The following ACVR1 variants were observed in gnomAD, a reference collection of about 807,000 sequenced individuals.
ACVR1 encodes activin receptor type-1.
In ACVR1, 38 loss-of-function variants were observed where a neutral mutation model predicts 57.1. The observed-to-expected ratio is 0.67, with a 90% CI of 0.51 to 0.87. The LOEUF is 0.87. Ranked by LOEUF, ACVR1 falls within the 40% of genes least tolerant of loss-of-function variation. The pLI, the probability that ACVR1 is intolerant of heterozygous loss-of-function variation, is 0.00. For synonymous variants in ACVR1, 212 were observed against 228.1 expected (o/e 0.93, Z 0.63); for missense variants, 463 against 638.2 (o/e 0.73, Z 2.96).
At chr2:157,807,854 T>TGA (rs1553507146) in intron 2 of ACVR1, among the ~76,000 whole-genome samples, 1 of 31,094 alleles carries the variant, frequency 3.2e-5, no homozygotes, top group Non-Finnish European at 7.1e-5. Context: ...TATAATAATT[T>TGA]GGGGGGGGGG....
intron 9 of ACVR1, among the ~76,000 whole-genome samples, chr2:157,751,128 C>T (rs1685176531): frequency 6.6e-6 from 1 of 152,334 alleles, no homozygotes; most frequent in East Asian, 1.9e-4. Context: ...CTCTGAGTGC[C>T]CAAACTGTGA....
At chr2:157,757,760 C>G (rs1002250954) in intron 9 of ACVR1, among the ~76,000 whole-genome samples, 2 of 151,752 alleles carry the variant, frequency 1.3e-5, no homozygotes, top group Non-Finnish European at 2.9e-5. Context: ...TAAGGAAATG[C>G]TATATCTGGG....
At chr2:157,866,328 A>G (rs1273006389) in intron 1 of ACVR1, among the ~76,000 whole-genome samples, 4 of 152,148 alleles carry the variant, frequency 2.6e-5, no homozygotes, top group Non-Finnish European at 4.4e-5. Context: ...TAAAACAATA[A>G]GACTTTTAGG....
At chr2:157,766,668 C>T (rs1685872782) in intron 7 of ACVR1, among the ~76,000 whole-genome samples, 1 of 152,094 alleles carries the variant, frequency 6.6e-6, no homozygotes, top group Non-Finnish European at 1.5e-5. Context: ...TATATCTGCT[C>T]AGATGTAAAA....
At chr2:157,843,685 G>A (rs149241440) in intron 1 of ACVR1, among the ~76,000 whole-genome samples, 4 of 152,226 alleles carry the variant, frequency 2.6e-5, no homozygotes, top group African/African-American at 7.2e-5. Flanking sequence ...TCATGGGAAA[G>A]GATTAACATG....
At chr2:157,792,427 T>C (rs1312727420) in intron 3 of ACVR1, among the ~76,000 whole-genome samples, 1 of 152,112 alleles carries the variant, frequency 6.6e-6, no homozygotes, top group Non-Finnish European at 1.5e-5. Flanking sequence ...TCCCTCTTCC[T>C]CCCAAATCAC....
chr2:157,876,037 C>T lies in ACVR1; in HGVS notation c.-424G>A, dbSNP rs1036629612. ...GGGAGCTTCCCGGCCCTGGGGCCGG[C>T]GCGGCTGGCCGAGGAGCAGGCTGGC... On this transcript the variant is annotated 5_prime_UTR_variant, in exon 1 of 11. Transcript: ENST00000434821. Among the ~76,000 whole-genome samples, 7 of 147,030 alleles carry T rather than the reference C, an allele frequency of 4.8e-5. No homozygotes were observed. Among genetic ancestry groups the T allele is most frequent in the Non-Finnish European group, 4.5e-5 (3 of 66,486 alleles).
intron 8 of ACVR1, 62 bp downstream of exon 8, chr2:157,765,859 C>T: frequency 1.3e-6 from 2 of 1,559,918 alleles, no homozygotes; most frequent in African/African-American, 1.4e-5. Flanking sequence ...AGAGATGCAA[C>T]TCACCTAACC....
chr2:157,773,109 T>C (rs1338135044), intron 6 of ACVR1, among the ~76,000 whole-genome samples: 1 of 152,058 alleles, frequency 6.6e-6, no homozygotes, highest in Non-Finnish European at 1.5e-5. Flanking sequence ...CCATGAGCAC[T>C]AGGAGGAGGG....
intron 3 of ACVR1, 48 bp from the exon 4 acceptor site, chr2:157,780,648 C>T (rs370335567): frequency 1.3e-5 from 20 of 1,598,526 alleles, no homozygotes; most frequent in Non-Finnish European, 1.7e-5. Context: ...AGAGGAATTA[C>T]CGTATGAGTT....
intron 1 of ACVR1, among the ~76,000 whole-genome samples, chr2:157,864,277 T>G (rs559230252): frequency 1.3e-5 from 2 of 151,910 alleles, no homozygotes; most frequent in South Asian, 4.2e-4. Context: ...AGTGGCATAA[T>G]CATGGCTCAC....
intron 9 of ACVR1, among the ~76,000 whole-genome samples, chr2:157,743,654 C>A (rs1016900651): frequency 6.6e-6 from 1 of 151,270 alleles, no homozygotes. Context: ...GGAGTATCCC[C>A]ATGATCAAAT....
chr2:157,778,137 A>C lies in ACVR1; in HGVS notation c.537T>G (p.Thr179=), dbSNP rs773365439. The change falls in exon 5 of 11, where the codon ACT becomes ACG. Residue 179 remains threonine, a synonymous_variant. Transcript: ENST00000434821. ...GLITTNVGDS[T]LADLLDHSCT... ...CTGTGGGGTCATGACTTACTGCTAA[A>C]GTGCTGTCTCCAACATTGGTGGTGA... The C allele has an allele frequency of 2.5e-6, 4 of 1,613,576 alleles. No individual in the cohort carries two copies. The highest frequency in any genetic ancestry group is 3.4e-6 in the Non-Finnish European group (4 of 1,179,774).
chr2:157,830,071 T>C (rs1688528859), intron 1 of ACVR1, among the ~76,000 whole-genome samples: 1 of 152,098 alleles, frequency 6.6e-6, no homozygotes, highest in South Asian at 2.1e-4. Context: ...ATACAAAAAT[T>C]AGCCAGGTGT....
chr2:157,876,028 T>G lies in ACVR1; in HGVS notation c.-415A>C, dbSNP rs1270532939. ...CGTGGGGCCGGGAGCTTCCCGGCCC[T>G]GGGGCCGGCGCGGCTGGCCGAGGAG... On this transcript the variant is annotated 5_prime_UTR_variant, in exon 1 of 11. Transcript: ENST00000434821. Among the ~76,000 whole-genome samples the G allele has an allele frequency of 7.4e-6, 1 of 135,136 alleles. No homozygotes were observed. Among genetic ancestry groups the G allele is most frequent in the African/African-American group, 2.8e-5 (1 of 35,628 alleles). The allele number at this position is 135,136 out of a possible 152,430, so 88.7% of individuals were successfully genotyped here. A position where few individuals can be genotyped will look rare whatever the true frequency, so the allele number is the denominator to read the frequency against.
At chr2:157,869,557 T>C (rs972989564) in intron 1 of ACVR1, among the ~76,000 whole-genome samples, 5 of 152,244 alleles carry the variant, frequency 3.3e-5, no homozygotes, top group African/African-American at 1.2e-4. Flanking sequence ...TTCAGCTTTA[T>C]TTTTAACACC....
intron 3 of ACVR1, among the ~76,000 whole-genome samples, chr2:157,793,552 T>A (rs1287409059): frequency 1.3e-5 from 2 of 152,200 alleles, no homozygotes; most frequent in Non-Finnish European, 2.9e-5. Context: ...CATCAGATAT[T>A]TACATTCTAG....
intron 9 of ACVR1, among the ~76,000 whole-genome samples, chr2:157,744,471 T>A (rs1684887442): frequency 6.6e-6 from 1 of 152,250 alleles, no homozygotes. Flanking sequence ...TTCCATTTTA[T>A]GCCATGTGAT....
intron 1 of ACVR1, among the ~76,000 whole-genome samples, chr2:157,828,446 T>C: frequency 1.4e-5 from 1 of 69,584 alleles, no homozygotes; most frequent in Admixed American, 1.9e-4. Flanking sequence ...CAAGACTCCG[T>C]CTCAAAAAAA....
Sources: allele counts gnomAD v4.1 joint callset (sites outside exome capture counted in the v4.1 genomes callset), GRCh38; gene constraint gnomAD v4.1.1; transcripts MANE v1.5; gene names NCBI Gene and HGNC (gene_info 2026-07-23, HGNC 2026-07-21).